Variants in MAGI2 observed in about 807,000 individuals in gnomAD.
MAGI2 encodes membrane associated guanylate kinase, WW and PDZ domain containing 2.
In MAGI2, 35 loss-of-function variants were observed where a neutral mutation model predicts 133.3. That is an observed-to-expected ratio of 0.26 (90% CI 0.20 to 0.35). The LOEUF is 0.35. Ranked by LOEUF, MAGI2 falls within the 10% of genes least tolerant of loss-of-function variation. The pLI, the probability that MAGI2 is intolerant of heterozygous loss-of-function variation, is 1.00. For missense variants in MAGI2, 1,636 were observed against 1,863.4 expected, an observed-to-expected ratio of 0.88 and a Z score of 2.25; for synonymous variants, 729 against 710.6, an observed-to-expected ratio of 1.03 and a Z score of -0.41.
intron 2 of MAGI2, among the ~76,000 whole-genome samples, chr7:78,944,151 T>C (rs1801211963): frequency 6.6e-6 from 1 of 152,142 alleles, no homozygotes; most frequent in Non-Finnish European, 1.5e-5. Context: ...TAGGTTCTAC[T>C]TTCATCTCTG....
intron 1 of MAGI2, among the ~76,000 whole-genome samples, chr7:79,210,942 C>G (rs991102073): frequency 3.3e-5 from 5 of 152,034 alleles, no homozygotes; most frequent in African/African-American, 1.2e-4. Context: ...GGAAGCCATT[C>G]ACTAACCTAA....
intron 1 of MAGI2, among the ~76,000 whole-genome samples, chr7:79,016,304 C>T (rs1265673199): frequency 6.6e-6 from 1 of 152,084 alleles, no homozygotes; most frequent in Non-Finnish European, 1.5e-5. Flanking sequence ...GCTCATGAGG[C>T]TGGGCCAGTC....
At chr7:78,219,559 C>T (rs1305671103) in intron 10 of MAGI2, among the ~76,000 whole-genome samples, 1 of 152,124 alleles carries the variant, frequency 6.6e-6, no homozygotes, top group Non-Finnish European at 1.5e-5. Context: ...TCAGCCTTGT[C>T]CTTCCCCCCC....
chr7:79,154,108 T>C (rs781171864), intron 1 of MAGI2, among the ~76,000 whole-genome samples: 4 of 152,196 alleles, frequency 2.6e-5, no homozygotes, highest in Admixed American at 6.5e-5. Flanking sequence ...TAAAGGACCA[T>C]TTACAACTGT....
intron 1 of MAGI2, among the ~76,000 whole-genome samples, chr7:79,191,239 G>T (rs1387728298): frequency 6.6e-6 from 1 of 151,322 alleles, no homozygotes; most frequent in African/African-American, 2.4e-5. Context: ...GATTTAGGTT[G>T]TGTTAAATTT....
chr7:78,167,051 G>T (rs1009139684), intron 15 of MAGI2, among the ~76,000 whole-genome samples: 1 of 151,872 alleles, frequency 6.6e-6, no homozygotes, highest in Non-Finnish European at 1.5e-5. Flanking sequence ...GCTATCAAGG[G>T]GTCAAGCAGA....
chr7:79,312,343 A>G (rs1051446035), intron 1 of MAGI2, among the ~76,000 whole-genome samples: 1 of 152,080 alleles, frequency 6.6e-6, no homozygotes, highest in Non-Finnish European at 1.5e-5. Context: ...GGCGCCAACA[A>G]CACTGGCCTC....
intron 5 of MAGI2, among the ~76,000 whole-genome samples, chr7:78,497,750 A>ATCTGTCTGTCTG (rs57912431): frequency 8.8e-6 from 1 of 113,408 alleles, no homozygotes; most frequent in African/African-American, 3.4e-5. Context: ...CTATCTATCT[A>ATCTGTCTGTCTG]TCTATCTATC....
chr7:78,060,252 C>CA (rs1563067567), intron 21 of MAGI2, among the ~76,000 whole-genome samples: 4 of 115,886 alleles, frequency 3.5e-5, no homozygotes, highest in South Asian at 2.9e-4. Context: ...GGACCCCCCC[C>CA]CCTCTTTAGA....
intron 10 of MAGI2, among the ~76,000 whole-genome samples, chr7:78,205,957 C>T (rs1829688459): frequency 6.6e-6 from 1 of 152,154 alleles, no homozygotes; most frequent in South Asian, 2.1e-4. Context: ...GATGCTGTGG[C>T]CAATGCTAGT....
At chr7:78,239,659 TC>T (rs1790925206) in intron 10 of MAGI2, among the ~76,000 whole-genome samples, 1 of 152,200 alleles carries the variant, frequency 6.6e-6, no homozygotes, top group Non-Finnish European at 1.5e-5. Context: ...TGGAAATTGC[TC>T]AACATCACTA....
chr7:78,675,121 G>T (rs1211376332), intron 2 of MAGI2, among the ~76,000 whole-genome samples: 2 of 152,008 alleles, frequency 1.3e-5, no homozygotes, highest in African/African-American at 4.8e-5. Context: ...GTATTGCTGG[G>T]GGTTACTGCA....
chr7:79,346,708 C>G (rs1788723277), intron 1 of MAGI2, among the ~76,000 whole-genome samples: 1 of 151,946 alleles, frequency 6.6e-6, no homozygotes, highest in Non-Finnish European at 1.5e-5. Flanking sequence ...TGCTCTTCCT[C>G]CAGTTTATTA....
At chr7:79,182,185 A>C (rs1013410068) in intron 1 of MAGI2, among the ~76,000 whole-genome samples, 1 of 151,904 alleles carries the variant, frequency 6.6e-6, no homozygotes, top group African/African-American at 2.4e-5. Context: ...TACTGTTACC[A>C]ATTTACCATA....
chr7:79,435,632 T>C (rs1012904383), intron 1 of MAGI2, among the ~76,000 whole-genome samples: 1 of 152,190 alleles, frequency 6.6e-6, no homozygotes, highest in African/African-American at 2.4e-5. Flanking sequence ...AAAAGTTTTT[T>C]ATTCCATGCT....
rs142977461 is a variant in MAGI2, at chr7:79,362,622, A to C, written c.301+90398T>G. Reference sequence around the variant, plus strand: ...AAATGGAATTCATTTCAGGTATGTAAGGCTAGTTAACATTCAGGAATCAAT... The same window carrying C: ...AAATGGAATTCATTTCAGGTATGTACGGCTAGTTAACATTCAGGAATCAAT... On this transcript the variant is annotated intron_variant, in intron 1 of 21. Coordinates refer to ENST00000354212, the MANE Select transcript of MAGI2 (RefSeq NM_012301.4). Among the ~76,000 whole-genome samples, 972 of 152,184 alleles carry C rather than the reference A, an allele frequency of 6.4e-3. 13 individuals carry two copies. The highest frequency in any genetic ancestry group is 0.022 in the African/African-American group (928 of 41,568).
At chr7:78,255,894 CCTA>C (rs756418072) in intron 10 of MAGI2, 46 bp downstream of exon 10, 4 of 1,538,224 alleles carry the variant, frequency 2.6e-6, no homozygotes, top group African/African-American at 2.7e-5. Flanking sequence ...ATTAAATGAT[CCTA>C]CTATTTTACC....
At chr7:78,026,972 T>G (rs1172405919) in intron 21 of MAGI2, among the ~76,000 whole-genome samples, 1 of 152,110 alleles carries the variant, frequency 6.6e-6, no homozygotes, top group Non-Finnish European at 1.5e-5. Flanking sequence ...ATGTATTAAC[T>G]CATGTTAATA....
Position 78,710,508 on chromosome 7 carries a change from C to T in MAGI2, c.419-83269G>A, listed in dbSNP as rs546649094. 2.7e-4 allele frequency among the ~76,000 whole-genome samples: 41 copies of T among 151,986 alleles called. 1 individual carries two copies. The South Asian group carries it at 7.5e-3, about 28-fold the overall frequency. On this transcript the variant is annotated intron_variant, in intron 2 of 21. Coordinates refer to ENST00000354212, the MANE Select transcript of MAGI2 (RefSeq NM_012301.4). ...ATAACAAGGAGGAAGCAAGCTTAAT[C>T]TCTGAATGAATCTGGAGTTTTATCT...
Sources: allele counts gnomAD v4.1 joint callset (sites outside exome capture counted in the v4.1 genomes callset), GRCh38; gene constraint gnomAD v4.1.1; transcripts MANE v1.5; gene names NCBI Gene and HGNC (gene_info 2026-07-23, HGNC 2026-07-21).